RBFOX1: variants seen among roughly 807,000 people sequenced by gnomAD.
RBFOX1 encodes RNA binding protein fox-1 homolog 1.
In RBFOX1, 8 loss-of-function variants were observed where a neutral mutation model predicts 57.7. The observed-to-expected ratio is 0.14, with a 90% CI of 0.08 to 0.25. RBFOX1 has a LOEUF of 0.25. Ranked by LOEUF, RBFOX1 falls within the 10% of genes least tolerant of loss-of-function variation. The pLI is 1.00. For synonymous variants in RBFOX1, 326 were observed against 222.4 expected (o/e 1.47, Z -4.15); for missense variants, 611 against 548.5 (o/e 1.11, Z -1.14).
intron 4 of RBFOX1, among the ~76,000 whole-genome samples, chr16:5,970,482 C>T (rs2059940361): frequency 6.6e-6 from 1 of 152,158 alleles, no homozygotes; most frequent in African/African-American, 2.4e-5. Context: ...ACATAAGGAA[C>T]ATTCTCTAGG....
intron 5 of RBFOX1, among the ~76,000 whole-genome samples, chr16:7,536,888 C>CTGCT (rs1345078596): frequency 1.3e-5 from 2 of 152,170 alleles, no homozygotes; most frequent in African/African-American, 4.8e-5. Context: ...CAGTTACCAG[C>CTGCT]ACTCCAGTGA....
intron 3 of RBFOX1, among the ~76,000 whole-genome samples, chr16:6,696,372 T>C (rs1473763586): frequency 6.6e-6 from 1 of 152,186 alleles, no homozygotes; most frequent in Non-Finnish European, 1.5e-5. Flanking sequence ...TAATATGCAG[T>C]GAGTCTTGTT....
At chr16:6,641,734 C>CAAAAAAAAAAAAAAAAAAAAAAAAA (rs869202831) in intron 2 of RBFOX1, among the ~76,000 whole-genome samples, 1 of 68,934 alleles carries the variant, frequency 1.5e-5, no homozygotes, top group African/African-American at 6.4e-5. Flanking sequence ...GACTCCGTCT[C>CAAAAAAAAAAAAAAAAAAAAAAAAA]AAAAAAAAAA....
intron 3 of RBFOX1, among the ~76,000 whole-genome samples, chr16:6,961,513 C>T (rs540968180): frequency 2.0e-5 from 3 of 152,254 alleles, no homozygotes; most frequent in Admixed American, 6.5e-5. Flanking sequence ...AGAATCAGAG[C>T]GAGTCCGTAA....
intron 3 of RBFOX1, among the ~76,000 whole-genome samples, chr16:5,812,383 A>G (rs749754457): frequency 8.6e-5 from 13 of 151,892 alleles, no homozygotes; most frequent in Non-Finnish European, 1.6e-4. Context: ...TGGTTGAACC[A>G]TGTTACATTT....
At chr16:6,317,549 A>G (rs1439762204) in intron 2 of RBFOX1, among the ~76,000 whole-genome samples, 2 of 152,160 alleles carry the variant, frequency 1.3e-5, no homozygotes, top group Non-Finnish European at 2.9e-5. Context: ...ACTGCAAAAA[A>G]AAAAGAAATT....
rs2065704591 is a variant in RBFOX1 at position 5,366,024 on chromosome 16, C to A, written c.220-101192C>A. ...GGCAGTCCAATTAAAGTAACACTGG[C>A]AGCTTTGAAAATGTCTGTACAGCAA... On this transcript the variant is annotated intron_variant, in intron 1 of 2. Coordinates refer to the RBFOX1 transcript ENST00000585867. 6 of 493,350 alleles carry A rather than the reference C, an allele frequency of 1.2e-5. No homozygotes were observed. The Admixed American group carries it at 1.2e-4, about 10-fold the overall frequency. 30.6% of individuals were successfully genotyped at this position (493,350 alleles called of 1,614,324 possible).
intron 3 of RBFOX1, among the ~76,000 whole-genome samples, chr16:6,921,578 C>T (rs918206361): frequency 4.0e-5 from 6 of 151,352 alleles, no homozygotes; most frequent in East Asian, 1.9e-4. Flanking sequence ...CAGCTTGCTT[C>T]TTCAAGCAGT....
chr16:5,703,761 A>T (rs550181645), intron 3 of RBFOX1, among the ~76,000 whole-genome samples: 1 of 152,240 alleles, frequency 6.6e-6, no homozygotes, highest in South Asian at 2.1e-4. Context: ...ATGTGTGTAT[A>T]TGTGCATGTG....
At chr16:6,666,016 C>T (rs9931586) in intron 3 of RBFOX1, among the ~76,000 whole-genome samples, 1 of 151,938 alleles carries the variant, frequency 6.6e-6, no homozygotes, top group Non-Finnish European at 1.5e-5. Context: ...GTGAATAAGT[C>T]TCCCGAGATC....
At chr16:7,304,264 T>C (rs2096116238) in intron 4 of RBFOX1, 5 of 980,118 alleles carry the variant, frequency 5.1e-6, no homozygotes, top group Non-Finnish European at 6.0e-6. Flanking sequence ...GAGCCACCGG[T>C]CATTGACTTA....
chr16:5,408,140 T>C (rs914602115), intron 1 of RBFOX1, among the ~76,000 whole-genome samples: 1 of 152,122 alleles, frequency 6.6e-6, no homozygotes, highest in Non-Finnish European at 1.5e-5. Flanking sequence ...TGGGGCAAGG[T>C]GGTGCATTTT....
chr16:6,862,664 G>A (rs997133560), intron 3 of RBFOX1, among the ~76,000 whole-genome samples: 1 of 152,246 alleles, frequency 6.6e-6, no homozygotes, highest in Admixed American at 6.5e-5. Flanking sequence ...TGTATGAACA[G>A]AGCTGGAGGT....
intron 3 of RBFOX1, among the ~76,000 whole-genome samples, chr16:6,974,459 C>G (rs1227376210): frequency 6.7e-6 from 1 of 148,760 alleles, no homozygotes; most frequent in South Asian, 2.2e-4. Flanking sequence ...ATTATCCTGC[C>G]TCAGCCTCCC....
chr16:7,681,484 AAG>A (rs1568431339), intron 14 of RBFOX1, among the ~76,000 whole-genome samples: 3 of 152,110 alleles, frequency 2.0e-5, no homozygotes, highest in Non-Finnish European at 2.9e-5. Context: ...GCCTCAGATT[AAG>A]TAGTAGAGAA....
At chr16:6,810,953 C>T (rs2088384797) in intron 3 of RBFOX1, among the ~76,000 whole-genome samples, 2 of 152,082 alleles carry the variant, frequency 1.3e-5, no homozygotes, top group African/African-American at 2.4e-5. Context: ...CAACCATACA[C>T]GTAACAGATA....
At chr16:7,129,571 G>GA (rs781572917) in intron 4 of RBFOX1, among the ~76,000 whole-genome samples, 4 of 151,942 alleles carry the variant, frequency 2.6e-5, no homozygotes, top group South Asian at 2.1e-4. Context: ...ATCTCCTGGG[G>GA]AAAAAAATTG....
At chr16:5,541,526 G>C (rs1597454927) in intron 2 of RBFOX1, among the ~76,000 whole-genome samples, 1 of 152,256 alleles carries the variant, frequency 6.6e-6, no homozygotes, top group East Asian at 1.9e-4. Flanking sequence ...TGGTAGGTGA[G>C]AGACAAAGGG....
At chr16:6,702,205 A>G (rs4786916) in intron 3 of RBFOX1, among the ~76,000 whole-genome samples, 149,441 of 152,284 alleles carry the variant, frequency 0.98, 73,386 homozygotes, top group Middle Eastern at 1. Context: ...CTCCCAGTAG[A>G]CCCACCTCCA....
Sources: allele counts gnomAD v4.1 joint callset (sites outside exome capture counted in the v4.1 genomes callset), GRCh38; gene constraint gnomAD v4.1.1; transcripts MANE v1.5; gene names NCBI Gene and HGNC (gene_info 2026-07-23, HGNC 2026-07-21).